The following MCU variants were observed in gnomAD, a reference collection of about 807,000 sequenced individuals.
MCU encodes calcium uniporter protein, mitochondrial.
Under a neutral mutation model 45.2 loss-of-function variants are expected in MCU, and 12 were observed. That is an observed-to-expected ratio of 0.27 (90% CI 0.17 to 0.43). MCU has a LOEUF of 0.43. Ranked by LOEUF, MCU falls within the 20% of genes least tolerant of loss-of-function variation. The pLI, the probability that MCU is intolerant of heterozygous loss-of-function variation, is 1.00. For synonymous variants in MCU, 160 were observed against 165.1 expected (o/e 0.97, Z 0.24); for missense variants, 324 against 436.7 (o/e 0.74, Z 2.30).
chr10:72,770,979 T>C (rs1480864588), intron 1 of MCU, among the ~76,000 whole-genome samples: 1 of 152,222 alleles, frequency 6.6e-6, no homozygotes, highest in Admixed American at 6.5e-5. Context: ...CTATTTCTTG[T>C]AATGCAGATC....
At chr10:72,731,855 G>A (rs188718903) in intron 1 of MCU, among the ~76,000 whole-genome samples, 80 of 152,256 alleles carry the variant, frequency 5.3e-4, no homozygotes, top group Non-Finnish European at 9.4e-4. Flanking sequence ...TCAGTTTATA[G>A]ACATTTGAGT....
chr10:72,722,138 C>T (rs569262861), intron 1 of MCU, among the ~76,000 whole-genome samples: 3 of 151,898 alleles, frequency 2.0e-5, no homozygotes, highest in South Asian at 4.2e-4. Context: ...TAAATATTAA[C>T]GTGTAGATTA....
At chr10:72,753,900 A>AAC (rs765412090) in intron 1 of MCU, among the ~76,000 whole-genome samples, 141 of 151,782 alleles carry the variant, frequency 9.3e-4, no homozygotes, top group Non-Finnish European at 1.7e-3. Context: ...AAAAAAACAA[A>AAC]ACACACACAC....
At chr10:72,739,286 C>G (rs1223513823) in intron 1 of MCU, among the ~76,000 whole-genome samples, 2 of 152,038 alleles carry the variant, frequency 1.3e-5, no homozygotes, top group African/African-American at 2.4e-5. Flanking sequence ...TGAGATAGAC[C>G]GTTCCTTTCA....
chr10:72,747,675 G>A (rs1371157191), intron 1 of MCU, among the ~76,000 whole-genome samples: 1 of 151,858 alleles, frequency 6.6e-6, no homozygotes, highest in Non-Finnish European at 1.5e-5. Context: ...AAAAAAGAAA[G>A]GAAAAAAATA....
At chr10:72,840,154 A>G (rs949684519) in intron 2 of MCU, among the ~76,000 whole-genome samples, 6 of 152,166 alleles carry the variant, frequency 3.9e-5, no homozygotes, top group Admixed American at 6.6e-5. Context: ...CATTCCCACC[A>G]GCAGTACATC....
chr10:72,832,224 A>C (rs1396911765), intron 1 of MCU, among the ~76,000 whole-genome samples: 1 of 152,158 alleles, frequency 6.6e-6, no homozygotes, highest in Non-Finnish European at 1.5e-5. Context: ...GTGAACTACC[A>C]TGCCTAGTCA....
intron 3 of MCU, 77 bp downstream of exon 3, chr10:72,859,424 A>C: frequency 1.5e-6 from 2 of 1,342,620 alleles, no homozygotes; most frequent in African/African-American, 2.9e-5. Flanking sequence ...TACATACACC[A>C]CACACGTAGC....
At position 72,805,215 on chromosome 10, in the gene MCU, CTTTCCTTTCCTT is replaced by C. The variant is rs369177598; in HGVS notation, c.151-29118_151-29107del. Among the ~76,000 whole-genome samples, 775 of 131,722 alleles carry C rather than the reference CTTTCCTTTCCTT, an allele frequency of 5.9e-3. 3 individuals carry two copies. Among genetic ancestry groups the C allele is most frequent in the Non-Finnish European group, 9.0e-3 (593 of 65,532 alleles). 86.4% of individuals were successfully genotyped at this position (131,722 alleles called of 152,430 possible). ...CTTCCTTCCTTCCTTTCTTCCTTTC[CTTTCCTTTCCTT>C]TTTCCTTTCCTTTTTCCTTTCCTTT... On this transcript the variant is annotated intron_variant, in intron 1 of 7. Coordinates refer to ENST00000373053, the MANE Select transcript of MCU (RefSeq NM_138357.3).
chr10:72,879,095 C>A (rs1456218384), intron 6 of MCU, among the ~76,000 whole-genome samples: 2 of 152,108 alleles, frequency 1.3e-5, no homozygotes, highest in African/African-American at 4.8e-5. Flanking sequence ...GAAACCCCTT[C>A]TCTACTAAGA....
At chr10:72,812,140 T>G (rs889419110) in intron 1 of MCU, among the ~76,000 whole-genome samples, 4 of 152,094 alleles carry the variant, frequency 2.6e-5, no homozygotes, top group Non-Finnish European at 2.9e-5. Flanking sequence ...TCAAGGTTTC[T>G]TTTCTTTTTG....
intron 2 of MCU, among the ~76,000 whole-genome samples, chr10:72,852,765 G>T (rs1450988959): frequency 6.6e-6 from 1 of 152,238 alleles, no homozygotes; most frequent in Non-Finnish European, 1.5e-5. Flanking sequence ...AGAGAAAGAG[G>T]AGTCTCGGAA....
intron 1 of MCU, among the ~76,000 whole-genome samples, chr10:72,794,545 G>A (rs970095025): frequency 1.3e-5 from 2 of 152,186 alleles, no homozygotes; most frequent in Non-Finnish European, 2.9e-5. Flanking sequence ...CCTATAGAAA[G>A]AAGTTTGGGA....
At chr10:72,849,670 A>G (rs1399161266) in intron 2 of MCU, among the ~76,000 whole-genome samples, 1 of 152,158 alleles carries the variant, frequency 6.6e-6, no homozygotes. Flanking sequence ...ATGAGGGGAA[A>G]TTAGAAGGTC....
chr10:72,808,753 A>C (rs530829812), intron 1 of MCU, among the ~76,000 whole-genome samples: 5 of 152,192 alleles, frequency 3.3e-5, no homozygotes, highest in African/African-American at 1.2e-4. Flanking sequence ...AAGAGGGAGC[A>C]AGCACATCTT....
chr10:72,762,173 C>G (rs1001653706), intron 1 of MCU, among the ~76,000 whole-genome samples: 1 of 151,868 alleles, frequency 6.6e-6, no homozygotes, highest in Non-Finnish European at 1.5e-5. Context: ...GAAAAGAAAC[C>G]CTGAACAGAC....
intron 1 of MCU, among the ~76,000 whole-genome samples, chr10:72,751,695 C>T (rs966915128): frequency 2.6e-5 from 4 of 151,792 alleles, no homozygotes; most frequent in South Asian, 2.1e-4. Context: ...CACAGGTTCC[C>T]GAGGGTCTGG....
chr10:72,722,596 A>G (rs1321847384), intron 1 of MCU, among the ~76,000 whole-genome samples: 1 of 151,632 alleles, frequency 6.6e-6, no homozygotes, highest in East Asian at 1.9e-4. Flanking sequence ...CATGATAGCT[A>G]TAGTTACTTT....
intron 1 of MCU, among the ~76,000 whole-genome samples, chr10:72,720,266 A>G (rs916632641): frequency 3.9e-5 from 6 of 152,342 alleles, no homozygotes; most frequent in Non-Finnish European, 8.8e-5. Flanking sequence ...CACCAGTCCT[A>G]TAAAGTAGGT....
Sources: allele counts gnomAD v4.1 joint callset (sites outside exome capture counted in the v4.1 genomes callset), GRCh38; gene constraint gnomAD v4.1.1; transcripts MANE v1.5; gene names NCBI Gene and HGNC (gene_info 2026-07-23, HGNC 2026-07-21).